Variants in DIAPH2 observed in about 807,000 individuals in gnomAD.
DIAPH2 encodes diaphanous related formin 2, also known as protein diaphanous homolog 2.
DIAPH2 carries 35 observed loss-of-function variants against 92.7 expected under a neutral mutation model. The observed-to-expected ratio is 0.38, with a 90% CI of 0.29 to 0.50. DIAPH2 has a LOEUF of 0.50. Among genes scored for constraint, DIAPH2 ranks in the 20% least tolerant of loss-of-function variants. DIAPH2 has a pLI of 0.94. For synonymous variants in DIAPH2, 301 were observed against 280.4 expected, an observed-to-expected ratio of 1.07 and a Z score of -0.73; for missense variants, 701 against 819.5, an observed-to-expected ratio of 0.86 and a Z score of 1.77.
At chrX:96,985,732 A>G (rs2066027398) in intron 17 of DIAPH2, among the ~76,000 whole-genome samples, 1 of 111,288 alleles carries the variant, frequency 9.0e-6, no homozygotes. Flanking sequence ...GATTGTCAGT[A>G]ATGTTTTTAT....
At chrX:97,383,021 T>A (rs1307808044) in intron 24 of DIAPH2, among the ~76,000 whole-genome samples, 1 of 111,915 alleles carries the variant, frequency 8.9e-6, no homozygotes, top group African/African-American at 3.2e-5. Context: ...GTAGTTGATA[T>A]GTCTCTGCAT....
chrX:97,426,240 G>C (rs1304789692), intron 25 of DIAPH2, among the ~76,000 whole-genome samples: 1 of 109,126 alleles, frequency 9.2e-6, no homozygotes, highest in Non-Finnish European at 1.9e-5. Context: ...TTTAGTTCAG[G>C]ATATGTGTTA....
chrX:96,746,534 T>C (rs1204337750), intron 3 of DIAPH2, among the ~76,000 whole-genome samples: 1 of 110,605 alleles, frequency 9.0e-6, no homozygotes, highest in Non-Finnish European at 1.9e-5. Flanking sequence ...ATTGGTAACT[T>C]TTTTTTTCTT....
chrX:97,128,746 A>C (rs756274109), intron 21 of DIAPH2, among the ~76,000 whole-genome samples: 7 of 112,247 alleles, frequency 6.2e-5, no homozygotes, highest in Admixed American at 2.8e-4. Flanking sequence ...CTTCTTCTAG[A>C]ATTTCATATG....
chrX:97,183,093 A>G (rs1465867414), intron 22 of DIAPH2, among the ~76,000 whole-genome samples: 1 of 111,745 alleles, frequency 8.9e-6, no homozygotes, highest in East Asian at 2.8e-4. Context: ...TATGGAAGAG[A>G]AAATTTCAGG....
At chrX:97,541,883 C>A (rs1206222866) in intron 26 of DIAPH2, among the ~76,000 whole-genome samples, 1 of 112,602 alleles carries the variant, frequency 8.9e-6, no homozygotes, top group Admixed American at 9.4e-5. Flanking sequence ...AAGCATTTTT[C>A]TGTTTCCTCC....
chrX:97,410,383 C>T (rs1242823378), intron 25 of DIAPH2, among the ~76,000 whole-genome samples: 2 of 111,675 alleles, frequency 1.8e-5, no homozygotes, highest in African/African-American at 6.5e-5. Flanking sequence ...AAAAGGACAT[C>T]CACACCAAAA....
intron 17 of DIAPH2, among the ~76,000 whole-genome samples, chrX:97,053,342 A>G (rs188311603): frequency 1.4e-4 from 16 of 111,341 alleles, no homozygotes; most frequent in African/African-American, 5.2e-4. Context: ...GTTTTAAATT[A>G]TTTTTTTAAA....
chrX:97,187,283 T>TTTTTTTA, intron 22 of DIAPH2, among the ~76,000 whole-genome samples: 1 of 55,599 alleles, frequency 1.8e-5, no homozygotes, highest in African/African-American at 1.2e-4. Context: ...TAAGTAGCCT[T>TTTTTTTA]TTTTTTTTTT....
chrX:97,070,312 TAAAA>T (rs1282068108), intron 17 of DIAPH2, among the ~76,000 whole-genome samples: 1 of 111,529 alleles, frequency 9.0e-6, no homozygotes, highest in African/African-American at 3.2e-5. Context: ...TATCAAAACT[TAAAA>T]AAACTTTTTA....
At chrX:97,439,737 ACT>A (rs1330437902) in intron 26 of DIAPH2, among the ~76,000 whole-genome samples, 1 of 76,995 alleles carries the variant, frequency 1.3e-5, no homozygotes, top group Non-Finnish European at 2.3e-5. Flanking sequence ...ACAGAGCCAG[ACT>A]CTGTCTCAAA....
chrX:97,047,231 A>C (rs908096527), intron 17 of DIAPH2, among the ~76,000 whole-genome samples: 1 of 111,203 alleles, frequency 9.0e-6, no homozygotes, highest in African/African-American at 3.3e-5. Context: ...AATATTGGCA[A>C]ACCAATTACT....
chrX:97,357,408 G>A (rs2069277676), intron 24 of DIAPH2, among the ~76,000 whole-genome samples: 1 of 111,249 alleles, frequency 9.0e-6, no homozygotes, highest in African/African-American at 3.3e-5. Context: ...GTAGAAGGGA[G>A]GACTTCCCCG....
intron 3 of DIAPH2, among the ~76,000 whole-genome samples, 153 bp downstream of exon 3, chrX:96,738,915 CT>C (rs201698474): frequency 1.8e-5 from 2 of 109,676 alleles, no homozygotes; most frequent in East Asian, 2.8e-4. Context: ...CAAAAGTATC[CT>C]TTTTTTTTCT....
intron 26 of DIAPH2, among the ~76,000 whole-genome samples, chrX:97,449,991 C>A (rs539888883): frequency 2.8e-5 from 3 of 108,234 alleles, no homozygotes; most frequent in Non-Finnish European, 3.8e-5. Flanking sequence ...GTGGATCAAG[C>A]GATTGTTATG....
At chrX:97,049,757 T>C (rs1029855469) in intron 17 of DIAPH2, among the ~76,000 whole-genome samples, 4 of 111,233 alleles carry the variant, frequency 3.6e-5, no homozygotes, top group African/African-American at 9.8e-5. Context: ...TCTAATTTTT[T>C]CCCTTCATTC....
chrX:97,212,596 T>G (rs1026081517), intron 22 of DIAPH2, among the ~76,000 whole-genome samples: 4 of 106,692 alleles, frequency 3.7e-5, no homozygotes, highest in Admixed American at 1.0e-4. Context: ...TTTTGTTTTT[T>G]TTTTTTTTTT....
intron 3 of DIAPH2, among the ~76,000 whole-genome samples, chrX:96,744,160 G>A (rs1043616749): frequency 8.9e-6 from 1 of 112,220 alleles, no homozygotes; most frequent in Admixed American, 9.4e-5. Flanking sequence ...ATATTAGTTT[G>A]ACGGTAATAA....
intron 26 of DIAPH2, among the ~76,000 whole-genome samples, chrX:97,586,530 C>T (rs1431904479): frequency 3.6e-5 from 4 of 111,733 alleles, no homozygotes; most frequent in African/African-American, 1.3e-4. Context: ...GACACATAAG[C>T]CCAATCTGTG....
Sources: allele counts gnomAD v4.1 joint callset (sites outside exome capture counted in the v4.1 genomes callset), GRCh38; gene constraint gnomAD v4.1.1; transcripts MANE v1.5; gene names NCBI Gene and HGNC (gene_info 2026-07-23, HGNC 2026-07-21).